The following CPOX variants were observed in gnomAD, a reference collection of about 807,000 sequenced individuals.
CPOX encodes oxygen-dependent coproporphyrinogen-III oxidase, mitochondrial.
In CPOX, 24 loss-of-function variants were observed where a neutral mutation model predicts 48.9. The observed-to-expected ratio is 0.49, with a 90% CI of 0.36 to 0.69. CPOX has a LOEUF of 0.69. Among genes scored for constraint, CPOX ranks in the 30% least tolerant of loss-of-function variants. The pLI, the probability that CPOX is intolerant of heterozygous loss-of-function variation, is 0.00. For missense variants in CPOX, 549 were observed against 597.3 expected (o/e 0.92, Z 0.84); for synonymous variants, 249 against 234.6 (o/e 1.06, Z -0.56).
chr3:98,592,840 C>A, intron 1 of CPOX, 109 bp downstream of exon 1: 1 of 1,240,636 alleles, frequency 8.1e-7, no homozygotes. Flanking sequence ...CTGTGGGTAC[C>A]CCCTACCTAC....
At position 98,593,357 on chromosome 3, in the gene CPOX, G is replaced by T; in HGVS notation, c.148C>A (p.Pro50Thr). The T allele has an allele frequency of 7.5e-7, 1 of 1,339,308 alleles. No homozygotes were observed. Among genetic ancestry groups the T allele is most frequent in the Non-Finnish European group, 9.5e-7 (1 of 1,057,274 alleles). The allele number at this position is 1,339,308 out of a possible 1,614,324, so 83.0% of individuals were successfully genotyped here. ...TGCTCCGTGCCAGCCGGGCCAGGGGGCCGGCAGACGCGTCCGGCTGCGCTG... is the reference window on the plus strand; with the variant it reads ...TGCTCCGTGCCAGCCGGGCCAGGGGTCCGGCAGACGCGTCCGGCTGCGCTG... ...QRSAAGRVCR[P>T]PGPAGTEQSR... is the part of the protein sequence containing the mutation. The change falls in exon 1 of 7, where the codon CCC becomes ACC. Residue 50 changes from proline to threonine, a missense_variant. Physicochemically the swap from Pro to Thr is conservative, Grantham distance 38. Transcript: ENST00000647941.
intron 5 of CPOX, among the ~76,000 whole-genome samples, chr3:98,583,385 A>G (rs1306236739): frequency 6.6e-6 from 1 of 152,214 alleles, no homozygotes; most frequent in African/African-American, 2.4e-5. Flanking sequence ...TAATAAAAGT[A>G]GTGTTGAGTT....
chr3:98,575,194 C>G (rs542670497), downstream of CPOX, among the ~76,000 whole-genome samples: 1 of 152,322 alleles, frequency 6.6e-6, no homozygotes, highest in East Asian at 1.9e-4. Flanking sequence ...TACCTCTCAA[C>G]CATCTCATAA....
chr3:98,574,731 A>C (rs752166013), downstream of CPOX, among the ~76,000 whole-genome samples: 1 of 152,146 alleles, frequency 6.6e-6, no homozygotes, highest in Non-Finnish European at 1.5e-5. Context: ...GGCGCCCATC[A>C]CCACGCCTGG....
At chr3:98,582,996 T>C (rs1249812341) in intron 5 of CPOX, among the ~76,000 whole-genome samples, 2 of 152,242 alleles carry the variant, frequency 1.3e-5, no homozygotes, top group Non-Finnish European at 2.9e-5. Context: ...TCTAAGACCA[T>C]GGAAAATAAT....
chr3:98,573,327 C>G, the CPOX span, among the ~76,000 whole-genome samples: 1 of 152,208 alleles, frequency 6.6e-6, no homozygotes, highest in Non-Finnish European at 1.5e-5. Flanking sequence ...AAGACATAAA[C>G]AGCATAGTCA....
downstream of CPOX, among the ~76,000 whole-genome samples, chr3:98,576,038 C>G (rs1269886952): frequency 1.4e-5 from 2 of 140,108 alleles, 1 homozygote; most frequent in East Asian, 4.4e-4. Context: ...CACCATTGCA[C>G]TCCAGCCTGG....
chr3:98,593,381 T>C lies in CPOX; in HGVS notation c.124A>G (p.Ser42Gly). Residue 42 changes from serine (S) to glycine (G), a missense_variant, in exon 1 of 7, where the codon AGC (serine) becomes GGC (glycine). Physicochemically the swap from Ser to Gly is moderately conservative, Grantham distance 56. Transcript: ENST00000647941. ...GGGLRAWSQR[S>G]AAGRVCRPPG... ...GGCCGGCAGACGCGTCCGGCTGCGC[T>C]GCGCTGGGACCAGGCTCGGAGCCCT... 1 of 1,357,250 alleles carries C rather than the reference T, an allele frequency of 7.4e-7. No individual in the cohort carries two copies. The highest frequency in any genetic ancestry group is 2.7e-4 in the Middle Eastern group (1 of 3,692). The allele number at this position is 1,357,250 out of a possible 1,614,324, so 84.1% of individuals were successfully genotyped here.
rs1576306287 is a variant in CPOX at position 98,592,821 on chromosome 3, G to C, written c.556+128C>G. 7.0e-6 allele frequency: 7 copies of C among 993,774 alleles called. No individual in the cohort carries two copies. In the East Asian group the frequency reaches 1.8e-4, roughly 26 times the overall value. The allele number at this position is 993,774 out of a possible 1,614,324, so 61.6% of individuals were successfully genotyped here. A position where few individuals can be genotyped will look rare whatever the true frequency, so the allele number is the denominator to read the frequency against. Reference sequence around the variant, plus strand: ...CTTTTTATCAGCGGCCTCTAACCAAGCGGCCTCTCTGTGGGTACCCCCTAC... The same window carrying C: ...CTTTTTATCAGCGGCCTCTAACCAACCGGCCTCTCTGTGGGTACCCCCTAC... On this transcript the variant is annotated intron_variant, in intron 1 of 6. Transcript: ENST00000647941.
downstream of CPOX, among the ~76,000 whole-genome samples, chr3:98,579,196 TAAG>T (rs1436694509): frequency 6.6e-6 from 1 of 152,232 alleles, no homozygotes; most frequent in African/African-American, 2.4e-5. Context: ...CTTTAGCTTG[TAAG>T]AAGAGTATAT....
downstream of CPOX, among the ~76,000 whole-genome samples, chr3:98,575,651 C>T (rs142954764): frequency 0.01 from 1,554 of 150,990 alleles, 28 homozygotes; most frequent in African/African-American, 0.035. Context: ...AAAAATTAGC[C>T]GGGTGTGCTG....
At chr3:98,589,057 T>C (rs1279812026) in intron 3 of CPOX, among the ~76,000 whole-genome samples, 1 of 152,214 alleles carries the variant, frequency 6.6e-6, no homozygotes, top group Non-Finnish European at 1.5e-5. Context: ...AGGTGGCTCA[T>C]GCCTGTAATC....
chr3:98,571,119 C>T, the CPOX span, among the ~76,000 whole-genome samples: 1 of 152,018 alleles, frequency 6.6e-6, no homozygotes, highest in African/African-American at 2.4e-5. Flanking sequence ...ATTTATTAAA[C>T]TTGGGTTGCT....
rs757205155 is a variant in CPOX, at chr3:98,581,456, G to C, written c.1228C>G (p.Pro410Ala). ...DRGTKFGLFT[P>A]GSRIESILMS... Reference sequence around the variant, plus strand: ...AAGATACTTTCAATTCTGGATCCTGGAGTGAAGAGGCCAAACTTTGTGCCC... The same window carrying C: ...AAGATACTTTCAATTCTGGATCCTGCAGTGAAGAGGCCAAACTTTGTGCCC... The change falls in exon 6 of 7, where the codon CCA becomes GCA. Residue 410 changes from proline to alanine, a missense_variant. Transcript: ENST00000647941. 5 of 1,613,908 alleles carry C rather than the reference G, an allele frequency of 3.1e-6. No individual in the cohort carries two copies. The Admixed American group carries it at 6.7e-5, about 22-fold the overall frequency.
Position 98,580,646 on chromosome 3 carries a change from G to A in CPOX, c.*37C>T, listed in dbSNP as rs753189788. On this transcript the variant is annotated 3_prime_UTR_variant, in exon 7 of 7. Coordinates refer to ENST00000647941, the MANE Select transcript of CPOX (RefSeq NM_000097.7). ...CAGTGGCATGGGGAGCACACATCGTGTGCCCTCCAAACCCCTGCACAGCCA... is the reference window on the plus strand; with the variant it reads ...CAGTGGCATGGGGAGCACACATCGTATGCCCTCCAAACCCCTGCACAGCCA... 27 of 1,613,070 alleles carry A rather than the reference G, an allele frequency of 1.7e-5. No individual in the cohort carries two copies. The Admixed American group carries it at 4.3e-4, about 26-fold the overall frequency.
At chr3:98,590,599 G>T in intron 3 of CPOX, 33 bp downstream of exon 3, 1 of 1,420,496 alleles carries the variant, frequency 7.0e-7, no homozygotes, top group Non-Finnish European at 1.0e-6. Context: ...CATTTTGCAC[G>T]ACAGTACTTT....
At chr3:98,589,006 T>A in intron 3 of CPOX, 152 bp from the exon 4 acceptor site, 1 of 901,194 alleles carries the variant, frequency 1.1e-6, no homozygotes, top group African/African-American at 1.7e-5. Context: ...TGAAGACCAG[T>A]AAGGCCTAGG....
Position 98,593,536 on chromosome 3 carries a change from C to A in CPOX, c.-32G>T. ...GCACTATCACCTGGAGCAGTGCCTG[C>A]GTCCCAGAGCCCTGCGTTTGAGCCC... On this transcript the variant is annotated 5_prime_UTR_variant, in exon 1 of 7. Transcript: ENST00000647941. 1 of 1,508,386 alleles carries A rather than the reference C, an allele frequency of 6.6e-7. No individual in the cohort carries two copies. Among genetic ancestry groups the A allele is most frequent in the Non-Finnish European group, 8.8e-7 (1 of 1,133,106 alleles). The allele number at this position is 1,508,386 out of a possible 1,614,324, so 93.4% of individuals were successfully genotyped here. A position where few individuals can be genotyped will look rare whatever the true frequency, so the allele number is the denominator to read the frequency against.
intron 5 of CPOX, among the ~76,000 whole-genome samples, chr3:98,584,031 T>G (rs1707310590): frequency 6.6e-6 from 1 of 152,190 alleles, no homozygotes. Context: ...CAACAACGAC[T>G]TTCAGAATGA....
Sources: allele counts gnomAD v4.1 joint callset (sites outside exome capture counted in the v4.1 genomes callset), GRCh38; gene constraint gnomAD v4.1.1; transcripts MANE v1.5; gene names NCBI Gene and HGNC (gene_info 2026-07-23, HGNC 2026-07-21).